Variants in FBXO22 observed in about 807,000 individuals in gnomAD.
FBXO22 encodes the protein F-box only protein 22.
In FBXO22, 13 loss-of-function variants were observed where a neutral mutation model predicts 37.2. The observed-to-expected ratio is 0.35, with a 90% CI of 0.23 to 0.56. The LOEUF (loss-of-function observed/expected upper bound fraction) is 0.56. Among genes scored for constraint, FBXO22 ranks in the 20% least tolerant of loss-of-function variants. FBXO22 has a pLI of 0.87. For synonymous variants in FBXO22, 189 were observed against 189.1 expected, an observed-to-expected ratio of 1.00 and a Z score of 0.00; for missense variants, 446 against 509.9, an observed-to-expected ratio of 0.87 and a Z score of 1.21.
chr15:75,918,642 G>GTA (rs906095011), intron 5 of FBXO22, among the ~76,000 whole-genome samples: 1 of 152,138 alleles, frequency 6.6e-6, no homozygotes, highest in African/African-American at 2.4e-5. Flanking sequence ...AGAAAATGTG[G>GTA]TATACATACA....
chr15:75,923,959 G>C (rs1341032965), intron 5 of FBXO22, among the ~76,000 whole-genome samples: 1 of 152,122 alleles, frequency 6.6e-6, no homozygotes, highest in East Asian at 1.9e-4. Flanking sequence ...GGAGGTGACA[G>C]CGATGTCATG....
At chr15:75,904,891 T>C (rs1008037715) in intron 2 of FBXO22, among the ~76,000 whole-genome samples, 7 of 149,454 alleles carry the variant, frequency 4.7e-5, no homozygotes, top group African/African-American at 1.7e-4. Context: ...TGGCGCGATC[T>C]CGGCTCACCG....
At chr15:75,910,523 G>A (rs144125274) in intron 2 of FBXO22, 39 of 152,328 alleles carry the variant, frequency 2.6e-4, no homozygotes, top group African/African-American at 9.1e-4. Context: ...GACTAGTAAT[G>A]ATGAGCTTCT....
intron 5 of FBXO22, among the ~76,000 whole-genome samples, chr15:75,920,401 A>G (rs977972824): frequency 6.6e-6 from 1 of 152,230 alleles, no homozygotes; most frequent in African/African-American, 2.4e-5. Flanking sequence ...CCAGGGCAAC[A>G]TAGCCCAGAT....
chr15:75,922,694 G>A (rs1366084826), intron 5 of FBXO22, among the ~76,000 whole-genome samples: 1 of 152,166 alleles, frequency 6.6e-6, no homozygotes, highest in Non-Finnish European at 1.5e-5. Flanking sequence ...AGATGTCATC[G>A]AGCAGAGGTG....
rs143665207 is a variant in FBXO22 at position 75,933,102 on chromosome 15, A to T, written c.1212A>T (p.Ter404TyrextTer1). 1.0e-4 allele frequency: 158 copies of T among 1,586,754 alleles called. No homozygotes were observed. In the Middle Eastern group the frequency reaches 1.0e-3, roughly 10 times the overall value. Reference protein sequence around the residue: ...MALIHLGSSK* With the variant: ...MALIHLGSSKY Reference sequence around the variant, plus strand: ...TCATACATCTGGGGTCATCTAAATAATAATTAAAGTGGCTTTCATAATATG... The same window carrying T: ...TCATACATCTGGGGTCATCTAAATATTAATTAAAGTGGCTTTCATAATATG... Residue 404 changes from the stop codon to tyrosine, a stop_lost, in exon 7 of 7, where the codon TAA becomes TAT. Coordinates refer to ENST00000308275, the MANE Select transcript of FBXO22 (RefSeq NM_147188.3).
Position 75,913,240 on chromosome 15 carries a change from C to A in FBXO22, c.317C>A (p.Ala106Asp). 6.2e-7 allele frequency: 1 copy of A among 1,610,638 alleles called. No homozygotes were observed. The highest frequency in any genetic ancestry group is 8.5e-7 in the Non-Finnish European group (1 of 1,179,212). ...TTACCACATACAGTTCTTTACATGG[C>A]TGATTCAGAAACTTTCATTAGTCTG... Reference protein sequence around the residue: ...RILPHTVLYMADSETFISLEE... With the variant: ...RILPHTVLYMDDSETFISLEE... Residue 106 changes from alanine to aspartate, a missense_variant, in exon 3 of 7, where the codon GCT (alanine) becomes GAT (aspartate). Ala to Asp is a moderately radical substitution (Grantham distance 126, BLOSUM62 -2). Transcript: ENST00000308275.
intron 6 of FBXO22, among the ~76,000 whole-genome samples, chr15:75,932,318 C>G (rs1229519246): frequency 6.6e-6 from 1 of 152,134 alleles, no homozygotes; most frequent in Non-Finnish European, 1.5e-5. Context: ...TAGCAGAAGG[C>G]TTCGTTTAGT....
At chr15:75,920,973 C>G (rs1900308556) in intron 5 of FBXO22, among the ~76,000 whole-genome samples, 1 of 152,134 alleles carries the variant, frequency 6.6e-6, no homozygotes, top group South Asian at 2.1e-4. Flanking sequence ...CTGAGAAATG[C>G]ATCTTTAGGC....
intron 5 of FBXO22, among the ~76,000 whole-genome samples, chr15:75,927,795 G>T (rs1389927826): frequency 6.6e-6 from 1 of 152,122 alleles, no homozygotes; most frequent in South Asian, 2.1e-4. Context: ...TTAGTAATTG[G>T]TCATTCACGC....
At chr15:75,904,992 T>G (rs1372541620) in intron 2 of FBXO22, among the ~76,000 whole-genome samples, 1 of 151,954 alleles carries the variant, frequency 6.6e-6, no homozygotes, top group East Asian at 1.9e-4. Context: ...CCCAGCTAAT[T>G]TTTTGTATTT....
At chr15:75,931,300 A>C (rs1221719411) in intron 6 of FBXO22, among the ~76,000 whole-genome samples, 1 of 152,110 alleles carries the variant, frequency 6.6e-6, no homozygotes, top group Non-Finnish European at 1.5e-5. Context: ...ATTACTCTTC[A>C]CATGACCCAT....
intron 4 of FBXO22, among the ~76,000 whole-genome samples, chr15:75,914,834 T>A (rs1900146587): frequency 1.3e-5 from 2 of 152,236 alleles, no homozygotes; most frequent in South Asian, 4.1e-4. Flanking sequence ...TCATGGGGCT[T>A]CACTGTCCTC....
chr15:75,919,038 A>C (rs1307678958), intron 5 of FBXO22, among the ~76,000 whole-genome samples: 4 of 152,094 alleles, frequency 2.6e-5, no homozygotes, highest in African/African-American at 9.7e-5. Context: ...GCTCACTGCT[A>C]CTTCTACTTC....
At chr15:75,931,621 G>A (rs1249027284) in intron 6 of FBXO22, among the ~76,000 whole-genome samples, 2 of 152,104 alleles carry the variant, frequency 1.3e-5, no homozygotes, top group African/African-American at 4.8e-5. Flanking sequence ...CACTAATCCA[G>A]TGACTCTTGC....
chr15:75,925,609 T>C (rs1900421472), intron 5 of FBXO22, among the ~76,000 whole-genome samples: 1 of 151,834 alleles, frequency 6.6e-6, no homozygotes, highest in African/African-American at 2.4e-5. Flanking sequence ...GCTCAAGGGA[T>C]TGAACTTGTT....
At chr15:75,904,389 C>A in intron 1 of FBXO22, 102 bp from the exon 2 acceptor site, 1 of 1,556,194 alleles carries the variant, frequency 6.4e-7, no homozygotes, top group Non-Finnish European at 8.8e-7. Flanking sequence ...TTGGATCCCG[C>A]AGGGATCTCC....
At chr15:75,905,059 G>A (rs1410364200) in intron 2 of FBXO22, among the ~76,000 whole-genome samples, 1 of 152,052 alleles carries the variant, frequency 6.6e-6, no homozygotes, top group African/African-American at 2.4e-5. Context: ...TCCTGACCTC[G>A]TGATCCGCCC....
In FBXO22 at chr15:75,932,611, T is replaced by A. The variant is rs2030080349; in HGVS notation, c.795-74T>A. 98 of 1,387,064 alleles carry A rather than the reference T, an allele frequency of 7.1e-5. 2 individuals carry two copies. In the South Asian group the frequency reaches 1.3e-3, roughly 18 times the overall value. 85.9% of individuals were successfully genotyped at this position (1,387,064 alleles called of 1,614,324 possible). On this transcript the variant is annotated intron_variant, in intron 6 of 6. Transcript: ENST00000308275. ...AAGGCAGCAGCCTCCCGTCAGTGAATCAGGAGGATTTTGCTTCTATACTTA... is the reference window on the plus strand; with the variant it reads ...AAGGCAGCAGCCTCCCGTCAGTGAAACAGGAGGATTTTGCTTCTATACTTA...
Sources: allele counts gnomAD v4.1 joint callset (sites outside exome capture counted in the v4.1 genomes callset), GRCh38; gene constraint gnomAD v4.1.1; transcripts MANE v1.5; gene names NCBI Gene and HGNC (gene_info 2026-07-23, HGNC 2026-07-21).